The following COL20A1 variants were observed in gnomAD, a reference collection of about 807,000 sequenced individuals.
COL20A1 encodes the protein collagen alpha-1(XX) chain.
In COL20A1, 164 loss-of-function variants were observed where a neutral mutation model predicts 152.9. The ratio of observed to expected loss-of-function variants is 1.07; its 90% confidence interval spans 0.94 to 1.22. The LOEUF (loss-of-function observed/expected upper bound fraction) is 1.22, where lower values mean the gene tolerates loss of function less well. Among genes scored for constraint, COL20A1 ranks in the 50% most tolerant of loss-of-function variants. The pLI is 0.00. For missense variants in COL20A1, 1,873 were observed against 1,744.8 expected (o/e 1.07, Z -1.31); for synonymous variants, 864 against 756.0 (o/e 1.14, Z -2.34).
rs1352578921 is a variant in COL20A1 at position 63,333,438 on chromosome 20, T to G, written c.*2722T>G. The G allele has an allele frequency of 6.6e-6, 1 of 152,402 alleles. No individual in the cohort carries two copies. The highest frequency in any genetic ancestry group is 3.1e-3 in the Middle Eastern group (1 of 320). The allele number at this position is 152,402 out of a possible 1,614,324, so 9.4% of individuals were successfully genotyped here. A position where few individuals can be genotyped will look rare whatever the true frequency, so the allele number is the denominator to read the frequency against. On this transcript the variant is annotated 3_prime_UTR_variant, in exon 36 of 36. Transcript: ENST00000358894. ...CTCACGCTGGGGTCACAGGGTGGTG[T>G]GGCTGTGTGGACTGTAAGGGGCGTG...
Position 63,321,973 on chromosome 20 carries a change from C to T in COL20A1, c.3241-85C>T. ...GTGGGGCATGGGGCTCAGGGTGGGC[C>T]AGGCATGGGGCTCAGGGGCTGGTCT... is the stretch of plus-strand genomic sequence containing the variant. On this transcript the variant is annotated intron_variant, in intron 26 of 35. Coordinates refer to ENST00000358894, the MANE Select transcript of COL20A1 (RefSeq NM_020882.4). 8.0e-6 allele frequency: 9 copies of T among 1,131,048 alleles called. No individual in the cohort carries two copies. In the South Asian group the frequency reaches 1.4e-4, roughly 18 times the overall value. The allele number at this position is 1,131,048 out of a possible 1,614,324, so 70.1% of individuals were successfully genotyped here.
chr20:63,326,089 C>A lies in COL20A1; in HGVS notation c.3403-7C>A. On this transcript the variant is annotated splice_polypyrimidine_tract_variant and splice_region_variant and intron_variant, in intron 29 of 35. Transcript: ENST00000358894. ...CCCACCCAGCTTGCGCCTTCCTTTG[C>A]CATCAGGGAATGAGAGGCCTGGAGG... 6.2e-7 allele frequency: 1 copy of A among 1,612,480 alleles called. No individual in the cohort carries two copies. Among genetic ancestry groups the A allele is most frequent in the African/African-American group, 1.3e-5 (1 of 75,002 alleles).
intron 14 of COL20A1, 26 bp from the exon 15 acceptor site, chr20:63,312,393 GC>G: frequency 3.9e-6 from 6 of 1,535,126 alleles, no homozygotes; most frequent in Non-Finnish European, 5.2e-6. Context: ...AGCTGGGCCT[GC>G]CATGTCGCCC....
At chr20:63,297,600 C>G (rs2067814650) in intron 2 of COL20A1, among the ~76,000 whole-genome samples, 1 of 152,204 alleles carries the variant, frequency 6.6e-6, no homozygotes, top group South Asian at 2.1e-4. Context: ...GTGGGAGGAC[C>G]CCCGGAGAGC....
At chr20:63,322,774 C>T (rs11700044) in intron 27 of COL20A1, among the ~76,000 whole-genome samples, 32,497 of 152,266 alleles carry the variant, frequency 0.21, 3,735 homozygotes, top group East Asian at 0.39. Context: ...AGGCCGCCCT[C>T]CTCCCGACCC....
At chr20:63,312,770 C>A in intron 15 of COL20A1, 22 bp from the exon 16 acceptor site, 2 of 1,530,196 alleles carry the variant, frequency 1.3e-6, no homozygotes, top group Admixed American at 2.0e-5. Context: ...ACACCCCCAG[C>A]CTGTGTCTCC....
intron 3 of COL20A1, among the ~76,000 whole-genome samples, chr20:63,304,148 C>G (rs375751169): frequency 3.0e-3 from 443 of 145,512 alleles, no homozygotes; most frequent in African/African-American, 0.011. Flanking sequence ...TCCAGGTGTG[C>G]AGGTGTGGGT....
Position 63,319,128 on chromosome 20 carries a change from C to A in COL20A1, c.2734C>A (p.Pro912Thr). ...CCTTGTGCGCCTACTTCCCGAGACA[C>A]CCCGTGAGGCCTTCGCGCTGTGGCA... The part of the protein sequence containing the change: ...VFLVRLLPET[P>T]REAFALWQMT... Residue 912 changes from proline (P) to threonine (T), a missense_variant, in exon 22 of 36, where the codon CCC (proline) becomes ACC (threonine). By Grantham distance (38) the Pro-to-Thr change is conservative (BLOSUM62 -1). Coordinates refer to ENST00000358894, the MANE Select transcript of COL20A1 (RefSeq NM_020882.4). This position sits in a 1 kb window ranked among gnomAD's most constrained non-coding sequence, Gnocchi z 4.4. 1 of 1,613,276 alleles carries A rather than the reference C, an allele frequency of 6.2e-7. No homozygotes were observed. The highest frequency in any genetic ancestry group is 8.5e-7 in the Non-Finnish European group (1 of 1,179,736).
In COL20A1 at chr20:63,305,776, G is replaced by T; in HGVS notation, c.338-105G>T. The T allele has an allele frequency of 7.9e-7, 1 of 1,272,668 alleles. No homozygotes were observed. 78.8% of individuals were successfully genotyped at this position (1,272,668 alleles called of 1,614,324 possible). ...CTTTGCATGCCTCCCAGGCTCCTGG[G>T]CCCTCAGCACCCACAGATGCGCCCT... On this transcript the variant is annotated intron_variant, in intron 4 of 35. Coordinates refer to ENST00000358894, the MANE Select transcript of COL20A1 (RefSeq NM_020882.4). This position sits in a 1 kb window ranked among gnomAD's most constrained non-coding sequence, Gnocchi z 4.9.
chr20:63,319,410 G>T lies in COL20A1; in HGVS notation c.2807-77G>T, dbSNP rs1205859120. On this transcript the variant is annotated intron_variant, in intron 22 of 35. Transcript: ENST00000358894. The surrounding 1 kb of genome is among the most constrained non-coding windows in gnomAD (Gnocchi z 4.4). ...CCCTCAGGGCTGCTCCTGTCCTGTC[G>T]TGGGGGCCGCCCTGCTCAAGGTATA... The T allele has an allele frequency of 3.3e-6, 4 of 1,226,278 alleles. No homozygotes were observed. Among genetic ancestry groups the T allele is most frequent in the Non-Finnish European group, 4.6e-6 (4 of 868,104 alleles). The allele number at this position is 1,226,278 out of a possible 1,614,324, so 76.0% of individuals were successfully genotyped here.
At position 63,313,865 on chromosome 20, in the gene COL20A1, G is replaced by A. The variant is rs768232368; in HGVS notation, c.2332G>A (p.Ala778Thr). 18 of 1,607,934 alleles carry A rather than the reference G, an allele frequency of 1.1e-5. No homozygotes were observed. The highest frequency in any genetic ancestry group is 2.7e-5 in the African/African-American group (2 of 74,734). The change falls in exon 18 of 36, where the codon GCC becomes ACC. Residue 778 changes from alanine (A) to threonine (T), a missense_variant. Transcript: ENST00000358894. The surrounding 1 kb of genome is among the most constrained non-coding windows in gnomAD (Gnocchi z 5.9). ...VLHYWLTYAP[A>T]SGLGPEKSVS... is the part of the protein sequence containing the mutation. ...CCATTACTGGCTCACCTACGCCCCC[G>A]CCTCTGGCTTGGGACCCGAGAAATC...
chr20:63,310,282 C>T, intron 10 of COL20A1, 99 bp from the exon 11 acceptor site: 4 of 1,385,904 alleles, frequency 2.9e-6, no homozygotes, highest in Non-Finnish European at 4.0e-6. Context: ...ACCCTGCGGG[C>T]CCCAGCTGAG....
chr20:63,319,935 G>C lies in COL20A1; in HGVS notation c.2917-104G>C, dbSNP rs2068136593. ...GGTGAGGTCAGGTTCCTGACCCCAG[G>C]TCCCAGGGATGGGTGTTACTCCCCA... is the stretch of plus-strand genomic sequence containing the variant. On this transcript the variant is annotated intron_variant, in intron 23 of 35. Coordinates refer to ENST00000358894, the MANE Select transcript of COL20A1 (RefSeq NM_020882.4). The surrounding 1 kb of genome is among the most constrained non-coding windows in gnomAD (Gnocchi z 4.4). 8 of 1,166,060 alleles carry C rather than the reference G, an allele frequency of 6.9e-6. No homozygotes were observed. Among genetic ancestry groups the C allele is most frequent in the African/African-American group, 3.1e-5 (2 of 64,128 alleles). The allele number at this position is 1,166,060 out of a possible 1,614,324, so 72.2% of individuals were successfully genotyped here. A position where few individuals can be genotyped will look rare whatever the true frequency, so the allele number is the denominator to read the frequency against.
intron 1 of COL20A1, 56 bp from the exon 2 acceptor site, chr20:63,295,042 C>A: frequency 1.7e-6 from 2 of 1,152,336 alleles, no homozygotes; most frequent in South Asian, 1.5e-5. Context: ...GCGTTGTGGT[C>A]AGGGAGAGGA....
chr20:63,319,632 C>T lies in COL20A1; in HGVS notation c.2916+36C>T, dbSNP rs192578714. ...AGCTCGCGCCCCTCTCCCCCGTTCC[C>T]CCAGCTCTGGGGCAGCCCAGCCCCA... On this transcript the variant is annotated intron_variant, in intron 23 of 35. Transcript: ENST00000358894. This position sits in a 1 kb window ranked among gnomAD's most constrained non-coding sequence, Gnocchi z 4.4. The T allele has an allele frequency of 1.7e-3, 2,439 of 1,465,678 alleles. 35 individuals carry two copies. The South Asian group carries it at 0.018, about 11-fold the overall frequency. 90.8% of individuals were successfully genotyped at this position (1,465,678 alleles called of 1,614,324 possible). A position where few individuals can be genotyped will look rare whatever the true frequency, so the allele number is the denominator to read the frequency against.
intron 3 of COL20A1, among the ~76,000 whole-genome samples, chr20:63,300,945 A>G (rs897815014): frequency 1.3e-5 from 2 of 152,264 alleles, no homozygotes; most frequent in Middle Eastern, 3.4e-3. Flanking sequence ...GGGATTTTCT[A>G]CTTATTTTTT....
At chr20:63,322,462 C>T (rs1321570479) in intron 27 of COL20A1, among the ~76,000 whole-genome samples, 2 of 152,170 alleles carry the variant, frequency 1.3e-5, no homozygotes, top group South Asian at 2.1e-4. Context: ...CCTTGATTTC[C>T]ATGGGGCAGG....
chr20:63,301,754 T>G (rs1344985417), intron 3 of COL20A1, among the ~76,000 whole-genome samples: 1 of 152,202 alleles, frequency 6.6e-6, no homozygotes, highest in Non-Finnish European at 1.5e-5. Flanking sequence ...TAAATCTCCT[T>G]TCTCCTTCTT....
At position 63,308,789 on chromosome 20, in the gene COL20A1, C is replaced by T. The variant is rs570579604; in HGVS notation, c.940+83C>T. Reference sequence around the variant, plus strand: ...CGCAGCAGGGAGCTTGCATTGGGCACCTGGTCCCTGAGCCCCAGCTTCCAC... The same window carrying T: ...CGCAGCAGGGAGCTTGCATTGGGCATCTGGTCCCTGAGCCCCAGCTTCCAC... On this transcript the variant is annotated intron_variant, in intron 8 of 35. Coordinates refer to ENST00000358894, the MANE Select transcript of COL20A1 (RefSeq NM_020882.4). 2.3e-5 allele frequency: 29 copies of T among 1,238,266 alleles called. No individual in the cohort carries two copies. In the African/African-American group the frequency reaches 3.2e-4, roughly 14 times the overall value. The allele number at this position is 1,238,266 out of a possible 1,614,324, so 76.7% of individuals were successfully genotyped here. A position where few individuals can be genotyped will look rare whatever the true frequency, so the allele number is the denominator to read the frequency against.
Sources: allele counts gnomAD v4.1 joint callset (sites outside exome capture counted in the v4.1 genomes callset), GRCh38; gene constraint gnomAD v4.1.1; non-coding constraint Gnocchi (gnomAD v3.1); transcripts MANE v1.5; gene names NCBI Gene and HGNC (gene_info 2026-07-23, HGNC 2026-07-21).